Variants in ZRANB1 observed in about 807,000 individuals in gnomAD.
The protein encoded by ZRANB1 is zinc finger RANBP2-type containing 1, also known as ubiquitin thioesterase ZRANB1.
Under a neutral mutation model 80.5 loss-of-function variants are expected in ZRANB1, and 16 were observed. The observed-to-expected ratio is 0.20, with a 90% confidence interval of 0.13 to 0.30. The LOEUF is 0.30. Ranked by LOEUF, ZRANB1 falls within the 10% of genes least tolerant of loss-of-function variation. ZRANB1 has a pLI of 1.00. For missense variants in ZRANB1, 576 were observed against 862.6 expected (o/e 0.67, Z 4.16); for synonymous variants, 291 against 293.1 (o/e 0.99, Z 0.07).
intron 1 of ZRANB1, among the ~76,000 whole-genome samples, chr10:124,960,805 A>G (rs1233206470): frequency 6.6e-6 from 1 of 152,200 alleles, no homozygotes; most frequent in African/African-American, 2.4e-5. Context: ...GGCCTACCTG[A>G]GATATAGTGT....
At chr10:124,944,774 A>G (rs532347521) in intron 1 of ZRANB1, among the ~76,000 whole-genome samples, 4 of 152,282 alleles carry the variant, frequency 2.6e-5, no homozygotes, top group South Asian at 2.1e-4. Context: ...GATTATAGGC[A>G]TAATTTGCTG....
At chr10:124,935,737 C>G in the ZRANB1 span, among the ~76,000 whole-genome samples, 1 of 152,198 alleles carries the variant, frequency 6.6e-6, no homozygotes, top group African/African-American at 2.4e-5. Context: ...TTTCTTTCAT[C>G]AAGTCATTCA....
intron 1 of ZRANB1, among the ~76,000 whole-genome samples, chr10:124,951,179 A>C (rs78623371): frequency 6.6e-6 from 1 of 152,214 alleles, no homozygotes; most frequent in Non-Finnish European, 1.5e-5. Flanking sequence ...AAATTATTAA[A>C]TTAGTATTAC....
chr10:124,988,047 C>T lies in ZRANB1; in HGVS notation c.*3055C>T, dbSNP rs1952112531. Reference sequence around the variant, plus strand: ...GCTTTGGGGTAGATTAAAGTCAGAACTCTAAAAGTTGAGCAACTTTGTTTT... The same window carrying T: ...GCTTTGGGGTAGATTAAAGTCAGAATTCTAAAAGTTGAGCAACTTTGTTTT... On this transcript the variant is annotated 3_prime_UTR_variant, in exon 9 of 9. Transcript: ENST00000359653. 1 of 151,466 alleles carries T rather than the reference C, an allele frequency of 6.6e-6. No homozygotes were observed. Among genetic ancestry groups the T allele is most frequent in the Admixed American group, 6.6e-5 (1 of 15,174 alleles). The allele number at this position is 151,466 out of a possible 1,614,324, so 9.4% of individuals were successfully genotyped here.
intron 5 of ZRANB1, 140 bp downstream of exon 5, chr10:124,974,538 C>T: frequency 1.2e-6 from 1 of 817,244 alleles, no homozygotes; most frequent in Non-Finnish European, 1.9e-6. Context: ...CATTAAAATA[C>T]TTTGAACACG....
chr10:124,984,703 C>T, intron 8 of ZRANB1, 71 bp from the exon 9 acceptor site: 2 of 1,490,986 alleles, frequency 1.3e-6, no homozygotes, highest in Non-Finnish European at 1.8e-6. Flanking sequence ...CTGTAGGTTT[C>T]CATGTCACAT....
rs1951965547 is a variant in ZRANB1, at chr10:124,983,810, T to C, written c.1908+122T>C. The C allele has an allele frequency of 1.4e-6, 1 of 711,018 alleles. No homozygotes were observed. The highest frequency in any genetic ancestry group is 2.7e-5 in the East Asian group (1 of 36,706). 44.0% of individuals were successfully genotyped at this position (711,018 alleles called of 1,614,324 possible). On this transcript the variant is annotated intron_variant, in intron 8 of 8. Transcript: ENST00000359653. The surrounding 1 kb of genome is among the most constrained non-coding windows in gnomAD (Gnocchi z 6.2). The stretch of plus-strand genomic sequence containing the variant: ...TAATTTCTGAATGTGATGGTAGTAA[T>C]TGCTGAAGGTACTAGCTATACTTTG...
At chr10:124,928,745 G>A in the ZRANB1 span, among the ~76,000 whole-genome samples, 1 of 152,218 alleles carries the variant, frequency 6.6e-6, no homozygotes, top group South Asian at 2.1e-4. Context: ...AATGAAGAAA[G>A]AAATGTCAGA....
chr10:124,959,365 C>A (rs1951712730), intron 1 of ZRANB1, among the ~76,000 whole-genome samples: 1 of 151,610 alleles, frequency 6.6e-6, no homozygotes, highest in Admixed American at 6.6e-5. Flanking sequence ...GAGAGAGAAC[C>A]TGTAGGGAAT....
the ZRANB1 span, among the ~76,000 whole-genome samples, chr10:124,922,011 G>A: frequency 6.6e-6 from 1 of 151,670 alleles, no homozygotes; most frequent in Non-Finnish European, 1.5e-5. Flanking sequence ...TGTCTCCCAG[G>A]CCAGAGTGCA....
At chr10:124,956,115 A>G (rs948295561) in intron 1 of ZRANB1, among the ~76,000 whole-genome samples, 8 of 152,216 alleles carry the variant, frequency 5.3e-5, no homozygotes, top group Non-Finnish European at 1.0e-4. Flanking sequence ...GAAAGGGACT[A>G]TGTCGCGTGA....
upstream of ZRANB1, among the ~76,000 whole-genome samples, chr10:124,939,833 G>A (rs560818369): frequency 1.3e-5 from 2 of 151,972 alleles, no homozygotes; most frequent in South Asian, 4.2e-4. Context: ...AATCTGTATT[G>A]TCTACTTTCT....
rs917494237 is a variant in ZRANB1, at chr10:124,988,003, A to C, written c.*3011A>C. The C allele has an allele frequency of 1.4e-4, 21 of 152,546 alleles. No individual in the cohort carries two copies. Among genetic ancestry groups the C allele is most frequent in the African/African-American group, 4.8e-4 (20 of 41,434 alleles). 9.4% of individuals were successfully genotyped at this position (152,546 alleles called of 1,614,324 possible). A position where few individuals can be genotyped will look rare whatever the true frequency, so the allele number is the denominator to read the frequency against. ...TTCAAGGTTCACTTCCCTCCCTTGA[A>C]CCAGGTCCAGGTCATTTTGCTTTGG... On this transcript the variant is annotated 3_prime_UTR_variant, in exon 9 of 9. Transcript: ENST00000359653.
the ZRANB1 span, among the ~76,000 whole-genome samples, chr10:124,933,230 A>C: frequency 9.8e-4 from 50 of 51,248 alleles, no homozygotes; most frequent in African/African-American, 1.9e-3. Context: ...TCCACCTCCC[A>C]GGTTCAAGCG....
intron 1 of ZRANB1, among the ~76,000 whole-genome samples, chr10:124,963,285 A>AAAG (rs1951748934): frequency 6.6e-6 from 1 of 151,398 alleles, no homozygotes; most frequent in African/African-American, 2.4e-5. Context: ...AAAAAAAAAA[A>AAAG]AAAATGCTTC....
At chr10:124,949,472 CAT>C (rs1254201832) in intron 1 of ZRANB1, among the ~76,000 whole-genome samples, 6 of 135,978 alleles carry the variant, frequency 4.4e-5, no homozygotes, top group Non-Finnish European at 7.4e-5. Context: ...TTTACACACA[CAT>C]ATATGTATAT....
the ZRANB1 span, among the ~76,000 whole-genome samples, chr10:124,917,573 T>G: frequency 6.6e-6 from 1 of 152,172 alleles, no homozygotes; most frequent in Non-Finnish European, 1.5e-5. Flanking sequence ...CCGCCAGATT[T>G]CCCCACAACT....
At chr10:124,962,921 G>T (rs750999599) in intron 1 of ZRANB1, among the ~76,000 whole-genome samples, 23 of 152,068 alleles carry the variant, frequency 1.5e-4, no homozygotes, top group Non-Finnish European at 2.1e-4. Context: ...AAGGAGAAAG[G>T]GACAGAAGGC....
the ZRANB1 span, among the ~76,000 whole-genome samples, chr10:124,925,190 G>A: frequency 6.6e-6 from 1 of 152,088 alleles, no homozygotes; most frequent in Non-Finnish European, 1.5e-5. Flanking sequence ...GATTACAGGC[G>A]TGAGCCACTG....
Sources: allele counts gnomAD v4.1 joint callset (sites outside exome capture counted in the v4.1 genomes callset), GRCh38; gene constraint gnomAD v4.1.1; non-coding constraint Gnocchi (gnomAD v3.1); transcripts MANE v1.5; gene names NCBI Gene and HGNC (gene_info 2026-07-23, HGNC 2026-07-21).